Variants in STX8 observed in about 807,000 individuals in gnomAD.
The protein encoded by STX8 is syntaxin-8.
A neutral mutation model predicts 37.5 loss-of-function variants in STX8; 23 were observed. The observed-to-expected ratio is 0.61, with a 90% CI of 0.44 to 0.87. The LOEUF (loss-of-function observed/expected upper bound fraction) is 0.87, where lower values mean the gene tolerates loss of function less well. STX8 is among the 40% of genes least tolerant of loss of function. The pLI, the probability that STX8 is intolerant of heterozygous loss-of-function variation, is 0.00. For missense variants in STX8, 313 were observed against 284.7 expected (o/e 1.10, Z -0.71); for synonymous variants, 115 against 99.1 (o/e 1.16, Z -0.95).
chr17:9,557,556 A>G (rs751563341), intron 2 of STX8, 28 bp from the exon 3 acceptor site: 3 of 1,591,866 alleles, frequency 1.9e-6, no homozygotes, highest in African/African-American at 2.7e-5. Context: ...CATCCTAAGT[A>G]TTCTAGTCCA....
intron 5 of STX8, 46 bp downstream of exon 5, chr17:9,504,992 A>AAAAAAAAAAAAAAAAAAAAT: frequency 6.6e-7 from 1 of 1,524,562 alleles, no homozygotes; most frequent in Non-Finnish European, 8.8e-7. Flanking sequence ...AAAAAAAAAA[A>AAAAAAAAAAAAAAAAAAAAT]TTCTGGCAAG....
Position 9,407,411 on chromosome 17 carries a change from C to G in STX8, c.542-28758G>C, listed in dbSNP as rs181385689. Among the ~76,000 whole-genome samples the G allele has an allele frequency of 2.5e-3, 372 of 147,830 alleles. 8 individuals are homozygous for G. The highest frequency in any genetic ancestry group is 0.018 in the Admixed American group (276 of 15,140). On this transcript the variant is annotated intron_variant, in intron 6 of 7. Coordinates refer to ENST00000306357, the MANE Select transcript of STX8 (RefSeq NM_004853.3). The stretch of plus-strand genomic sequence containing the variant: ...AAAGAAGGAGAGCTTGAATTAAAAA[C>G]AACAACAAAAACCACAACCAAACAA...
intron 6 of STX8, among the ~76,000 whole-genome samples, chr17:9,381,736 C>A (rs1037483236): frequency 2.0e-5 from 3 of 152,116 alleles, no homozygotes; most frequent in Non-Finnish European, 4.4e-5. Flanking sequence ...TTTGGGAGGC[C>A]GAGGCGGGCG....
At position 9,341,027 on chromosome 17, in the gene STX8, A is replaced by T. The variant is rs1054551522; in HGVS notation, c.643+37525T>A. Among the ~76,000 whole-genome samples, 14 of 148,084 alleles carry T rather than the reference A, an allele frequency of 9.5e-5. No homozygotes were observed. The East Asian group carries it at 2.5e-3, about 27-fold the overall frequency. On this transcript the variant is annotated intron_variant, in intron 7 of 7. Transcript: ENST00000306357. The stretch of plus-strand genomic sequence containing the variant: ...ATATATATAAATATATATTATATAT[A>T]TAAATTATAAATTGTAAAATTTAAA...
At chr17:9,443,152 C>T (rs914399273) in intron 6 of STX8, among the ~76,000 whole-genome samples, 2 of 152,178 alleles carry the variant, frequency 1.3e-5, no homozygotes, top group African/African-American at 2.4e-5. Flanking sequence ...GTCCTCCTTG[C>T]AGGTTACCTT....
chr17:9,544,756 G>C (rs1001341876), intron 4 of STX8, among the ~76,000 whole-genome samples: 1 of 152,168 alleles, frequency 6.6e-6, no homozygotes, highest in Non-Finnish European at 1.5e-5. Flanking sequence ...ACTTTGGGAG[G>C]CCAAGGCGGG....
chr17:9,367,163 GTTTT>G (rs1198442595), intron 7 of STX8, among the ~76,000 whole-genome samples: 7 of 141,116 alleles, frequency 5.0e-5, no homozygotes, highest in Non-Finnish European at 7.5e-5. Flanking sequence ...GTGGGTTTTT[GTTTT>G]TTTTGTTTTT....
intron 7 of STX8, among the ~76,000 whole-genome samples, chr17:9,342,849 C>T (rs140444073): frequency 0.11 from 16,334 of 151,786 alleles, 978 homozygotes; most frequent in African/African-American, 0.12. Flanking sequence ...GGTGAAACCC[C>T]GTCTGTACTA....
chr17:9,458,047 C>T (rs1905230956), intron 6 of STX8, among the ~76,000 whole-genome samples: 2 of 152,220 alleles, frequency 1.3e-5, no homozygotes, highest in Admixed American at 6.5e-5. Context: ...GTACTTAAAC[C>T]AATCTTGCTA....
At chr17:9,280,589 A>C (rs1038399866) in intron 7 of STX8, among the ~76,000 whole-genome samples, 3 of 152,190 alleles carry the variant, frequency 2.0e-5, no homozygotes, top group African/African-American at 7.2e-5. Context: ...TAATGAACAG[A>C]GAACAAAGGA....
chr17:9,302,377 A>G (rs1403459767), intron 7 of STX8, among the ~76,000 whole-genome samples: 6 of 152,102 alleles, frequency 3.9e-5, no homozygotes, highest in African/African-American at 1.4e-4. Flanking sequence ...TAATAAACCT[A>G]CTGTTTATAT....
At chr17:9,330,407 C>T (rs1310991691) in intron 7 of STX8, among the ~76,000 whole-genome samples, 2 of 152,106 alleles carry the variant, frequency 1.3e-5, no homozygotes, top group African/African-American at 4.8e-5. Flanking sequence ...GTGCCTGGAG[C>T]CAGGCTCTAA....
At chr17:9,320,210 G>A (rs1409002301) in intron 7 of STX8, among the ~76,000 whole-genome samples, 3 of 151,746 alleles carry the variant, frequency 2.0e-5, no homozygotes, top group African/African-American at 7.3e-5. Flanking sequence ...GCACGCACCT[G>A]TAATCCCAGC....
chr17:9,402,338 C>A (rs952190224), intron 6 of STX8, among the ~76,000 whole-genome samples: 1 of 152,124 alleles, frequency 6.6e-6, no homozygotes, highest in Non-Finnish European at 1.5e-5. Flanking sequence ...TCAGGCTGAT[C>A]TCGAACTCCT....
At chr17:9,502,100 G>T (rs1382457738) in intron 5 of STX8, among the ~76,000 whole-genome samples, 1 of 152,212 alleles carries the variant, frequency 6.6e-6, no homozygotes, top group African/African-American at 2.4e-5. Context: ...CACACTGTTG[G>T]TGGGGATGTA....
intron 6 of STX8, among the ~76,000 whole-genome samples, chr17:9,386,240 A>G (rs1912010305): frequency 6.6e-6 from 1 of 152,208 alleles, no homozygotes; most frequent in Non-Finnish European, 1.5e-5. Context: ...TTAATGGAAT[A>G]CTATTCGGCA....
chr17:9,562,670 T>C (rs1032943848), intron 2 of STX8, among the ~76,000 whole-genome samples: 2 of 151,768 alleles, frequency 1.3e-5, no homozygotes, highest in Non-Finnish European at 2.9e-5. Context: ...ACTTGACTCA[T>C]TATATGAGAA....
intron 7 of STX8, among the ~76,000 whole-genome samples, chr17:9,293,297 C>T (rs1185893750): frequency 1.3e-5 from 2 of 152,108 alleles, no homozygotes; most frequent in East Asian, 3.9e-4. Context: ...CTAAGGGATG[C>T]TCGAGGTCTC....
chr17:9,345,557 A>C (rs1910502767), intron 7 of STX8, among the ~76,000 whole-genome samples: 1 of 152,196 alleles, frequency 6.6e-6, no homozygotes, highest in Admixed American at 6.6e-5. Flanking sequence ...GTAGGGACAA[A>C]GATATATTTT....
Sources: gnomAD v4.1 joint callset for allele counts (sites outside exome capture counted in the v4.1 genomes callset) on GRCh38, gnomAD v4.1.1 for gene constraint, MANE v1.5 for transcripts, NCBI Gene and HGNC (gene_info 2026-07-23, HGNC 2026-07-21) for gene names.